KIRREL2: variants seen among roughly 807,000 people sequenced by gnomAD.
KIRREL2 encodes the protein kirre like nephrin family adhesion molecule 2, also known as kin of IRRE-like protein 2.
KIRREL2 carries 56 observed loss-of-function variants against 73.4 expected under a neutral mutation model. The observed-to-expected ratio is 0.76, with a 90% CI of 0.62 to 0.95. The LOEUF (loss-of-function observed/expected upper bound fraction) is 0.95, where lower values mean the gene tolerates loss of function less well. KIRREL2 is among the 40% of genes least tolerant of loss of function. The probability of loss-of-function intolerance (pLI) is 0.00; values close to 1 mark genes in which losing one functional copy is unlikely to be tolerated. For missense variants in KIRREL2, 896 were observed against 935.0 expected, an observed-to-expected ratio of 0.96 and a Z score of 0.54; for synonymous variants, 407 against 404.0, an observed-to-expected ratio of 1.01 and a Z score of -0.09.
chr19:35,856,876 G>C (rs995188355), upstream of KIRREL2: 2 of 570,738 alleles, frequency 3.5e-6, no homozygotes, highest in Non-Finnish European at 6.3e-6. This position sits in a 1 kb window ranked among gnomAD's most constrained non-coding sequence, Gnocchi z 5.9. Flanking sequence ...GGACCCGGGC[G>C]GGGCGAGCGG....
chr19:35,865,111 G>A (rs1181989945), intron 14 of KIRREL2, among the ~76,000 whole-genome samples: 1 of 150,642 alleles, frequency 6.6e-6, no homozygotes, highest in East Asian at 2.0e-4. Flanking sequence ...GCCATCCCCA[G>A]GCCAGAGCAC....
chr19:35,864,176 TTTGTTGTTGTTG>T (rs113984862), intron 13 of KIRREL2, among the ~76,000 whole-genome samples: 4 of 148,582 alleles, frequency 2.7e-5, no homozygotes, highest in Non-Finnish European at 5.9e-5. Context: ...ACAGCCCGTT[TTTGTTGTTGTTG>T]TTGTTGTTGT....
In KIRREL2 at chr19:35,862,957, T is replaced by G. The variant is rs772030881; in HGVS notation, c.1646T>G (p.Leu549Arg). The G allele has an allele frequency of 6.3e-7, 1 of 1,583,624 alleles. No individual in the cohort carries two copies. Among genetic ancestry groups the G allele is most frequent in the African/African-American group, 1.3e-5 (1 of 74,646 alleles). ...ASASFSEQKN[L>R]MRIPGSSDGS... The stretch of plus-strand genomic sequence containing the variant: ...GCCTCTTTCTCCGAGCAAAAGAACC[T>G]GATGCGAATCCCTGGCAGCAGCGAC... The change falls in exon 13 of 15, where the codon CTG becomes CGG. Residue 549 changes from leucine (L) to arginine (R), a missense_variant. Physicochemically the swap from Leu to Arg is moderately radical, Grantham distance 102 (BLOSUM62 -2). Coordinates refer to ENST00000360202, the MANE Select transcript of KIRREL2 (RefSeq NM_199180.4).
Position 35,866,693 on chromosome 19 carries a change from A to G in KIRREL2, c.*201A>G, listed in dbSNP as rs111513025. ...TGCCCCAAGTGGGAGCAACATGGCC[A>G]CCCAATATGCCCACCTATTCCCCGG... On this transcript the variant is annotated 3_prime_UTR_variant, in exon 15 of 15. Transcript: ENST00000360202. The G allele has an allele frequency of 5.1e-3, 3,407 of 668,124 alleles. 87 individuals are homozygous for G. The African/African-American group carries it at 0.055, about 11-fold the overall frequency. The allele number at this position is 668,124 out of a possible 1,614,324, so 41.4% of individuals were successfully genotyped here.
chr19:35,861,205 G>C lies in KIRREL2; in HGVS notation c.1140G>C (p.Gly380=). 6.5e-7 allele frequency: 1 copy of C among 1,549,962 alleles called. No individual in the cohort carries two copies. The highest frequency in any genetic ancestry group is 8.7e-7 in the Non-Finnish European group (1 of 1,155,506). ...AGDYVCRAEA[G]LSGLRGGAAE... is the part of the protein sequence containing the mutation. The stretch of plus-strand genomic sequence containing the variant: ...ACTATGTGTGCAGAGCTGAGGCTGG[G>C]CTATCGGGCCTGCGGGGCGGCGCCG... The change falls in exon 9 of 15, where the codon GGG becomes GGC. Residue 380 remains glycine, a synonymous_variant. Coordinates refer to ENST00000360202, the MANE Select transcript of KIRREL2 (RefSeq NM_199180.4).
Position 35,857,417 on chromosome 19 carries a change from G to A in KIRREL2, c.134G>A (p.Cys45Tyr). 1 of 1,613,132 alleles carries A rather than the reference G, an allele frequency of 6.2e-7. No individual in the cohort carries two copies. ...CTGGGGGAGGAAGCCCGGCTGCCGT[G>A]TGCTCTGGGCGCCTACTGGGGGCTA... ...VLLGEEARLP[C>Y]ALGAYWGLVQ... The change falls in exon 2 of 15, where the codon TGT becomes TAT. Residue 45 changes from cysteine to tyrosine, a missense_variant. Coordinates refer to ENST00000360202, the MANE Select transcript of KIRREL2 (RefSeq NM_199180.4).
chr19:35,855,415 C>T (rs1229657822), upstream of KIRREL2, among the ~76,000 whole-genome samples: 1 of 151,870 alleles, frequency 6.6e-6, no homozygotes, highest in Non-Finnish European at 1.5e-5. Flanking sequence ...GGGGAAGCGG[C>T]GTCAAGTGCC....
chr19:35,865,457 C>A (rs892320303), intron 14 of KIRREL2, among the ~76,000 whole-genome samples: 1 of 152,174 alleles, frequency 6.6e-6, no homozygotes, highest in Non-Finnish European at 1.5e-5. Flanking sequence ...AGCCGACATG[C>A]CATTCTCTTG....
Position 35,861,594 on chromosome 19 carries a change from G to T in KIRREL2, c.1243G>T (p.Ala415Ser), listed in dbSNP as rs1241518748. ...HSAPAFLRGP[A>S]RLQCLVFASP... ...TGCGCCTGCCTTCCTGAGGGGCCCT[G>T]CTCGCCTCCAGTGTCTGGTTTTCGC... is the stretch of plus-strand genomic sequence containing the variant. The change falls in exon 10 of 15, where the codon GCT (alanine) becomes TCT (serine). Residue 415 changes from alanine to serine, a missense_variant. Coordinates refer to ENST00000360202, the MANE Select transcript of KIRREL2 (RefSeq NM_199180.4). 1.9e-6 allele frequency: 3 copies of T among 1,613,552 alleles called. No homozygotes were observed. Among genetic ancestry groups the T allele is most frequent in the African/African-American group, 2.7e-5 (2 of 74,856 alleles).
In KIRREL2 at chr19:35,857,033, G is replaced by A; in HGVS notation, c.-87G>A. 7.1e-7 allele frequency: 1 copy of A among 1,402,560 alleles called. No individual in the cohort carries two copies. Among genetic ancestry groups the A allele is most frequent in the South Asian group, 1.2e-5 (1 of 86,538 alleles). The allele number at this position is 1,402,560 out of a possible 1,614,324, so 86.9% of individuals were successfully genotyped here. A position where few individuals can be genotyped will look rare whatever the true frequency, so the allele number is the denominator to read the frequency against. ...AGAGTCGAGCGTGAAGGGGGCTCCG[G>A]GCCAGGGTGACAGGAGGCGTGCTTG... is the stretch of plus-strand genomic sequence containing the variant. On this transcript the variant is annotated 5_prime_UTR_variant, in exon 1 of 15. Coordinates refer to ENST00000360202, the MANE Select transcript of KIRREL2 (RefSeq NM_199180.4).
At chr19:35,863,834 C>A (rs916190525) in intron 13 of KIRREL2, among the ~76,000 whole-genome samples, 5 of 150,288 alleles carry the variant, frequency 3.3e-5, no homozygotes, top group Non-Finnish European at 7.4e-5. Flanking sequence ...AGTGCAGTGG[C>A]GCGAACTCGA....
chr19:35,859,613 A>C lies in KIRREL2; in HGVS notation c.655A>C (p.Ile219Leu). ...QALPTGRDTA[I>L]TLSLQYPPEV... ...CCTGCCCACAGGAAGAGACACAGCT[A>C]TCACACTGAGCCTGCAGTGTGAGTG... The change falls in exon 5 of 15, where the codon ATC (isoleucine) becomes CTC (leucine). Residue 219 changes from isoleucine to leucine, a missense_variant. Coordinates refer to ENST00000360202, the MANE Select transcript of KIRREL2 (RefSeq NM_199180.4). The C allele has an allele frequency of 6.2e-7, 1 of 1,613,960 alleles. No individual in the cohort carries two copies. Among genetic ancestry groups the C allele is most frequent in the Non-Finnish European group, 8.5e-7 (1 of 1,180,014 alleles).
Position 35,860,281 on chromosome 19 carries a change from T to C in KIRREL2, c.674-16T>C. ...TCCTGGTCCTTGCCCATCTGACCATTGTCCCACCCTCACAGACCCCCCAGA... is the reference window on the plus strand; with the variant it reads ...TCCTGGTCCTTGCCCATCTGACCATCGTCCCACCCTCACAGACCCCCCAGA... On this transcript the variant is annotated splice_polypyrimidine_tract_variant and intron_variant, in intron 5 of 14. Transcript: ENST00000360202. 2.5e-6 allele frequency: 4 copies of C among 1,609,716 alleles called. No individual in the cohort carries two copies. Among genetic ancestry groups the C allele is most frequent in the Non-Finnish European group, 3.4e-6 (4 of 1,176,842 alleles).
intron 14 of KIRREL2, 22 bp downstream of exon 14, chr19:35,864,735 G>A (rs1226052353): frequency 3.2e-6 from 5 of 1,575,178 alleles, no homozygotes; most frequent in East Asian, 2.2e-5. Flanking sequence ...GAGGGGTGGG[G>A]CTCCCTTCAC....
chr19:35,856,511 G>A (rs1482914402), upstream of KIRREL2: 1 of 160,368 alleles, frequency 6.2e-6, no homozygotes, highest in African/African-American at 2.4e-5. This position sits in a 1 kb window ranked among gnomAD's most constrained non-coding sequence, Gnocchi z 5.9. Context: ...CAGGCCCGGG[G>A]GAGCCCCGGA....
chr19:35,858,968 G>T, intron 4 of KIRREL2, 104 bp downstream of exon 4: 8 of 1,288,278 alleles, frequency 6.2e-6, no homozygotes, highest in Non-Finnish European at 8.8e-6. Flanking sequence ...GGAGGGCAGA[G>T]GTTCATGGGT....
chr19:35,858,419 T>A lies in KIRREL2; in HGVS notation c.223T>A (p.Tyr75Asn). Residue 75 changes from tyrosine to asparagine, a missense_variant, in exon 3 of 15, where the codon TAC (tyrosine) becomes AAC (asparagine). Transcript: ENST00000360202. The stretch of plus-strand genomic sequence containing the variant: ...CTCCCTGACTCCAGGGTGGTCCCGG[T>A]ACTGGATATCAGGGAATGCAGCCAA... Reference protein sequence around the residue: ...GQRDLPGWSRYWISGNAANGQ... With the variant: ...GQRDLPGWSRNWISGNAANGQ... The A allele has an allele frequency of 6.2e-7, 1 of 1,614,010 alleles. No homozygotes were observed.
In KIRREL2 at chr19:35,859,488, T is replaced by G. The variant is rs759330678; in HGVS notation, c.530T>G (p.Leu177Arg). Residue 177 changes from leucine (L) to arginine (R), a missense_variant, in exon 5 of 15, where the codon CTG becomes CGG. Physicochemically the swap from Leu to Arg is moderately radical, Grantham distance 102. Coordinates refer to ENST00000360202, the MANE Select transcript of KIRREL2 (RefSeq NM_199180.4). Reference sequence around the variant, plus strand: ...TCTTATCCTTCCCTCCAGACCCTGCTGAAGGAAGGGACCCCTGGGTCAGTG... The same window carrying G: ...TCTTATCCTTCCCTCCAGACCCTGCGGAAGGAAGGGACCCCTGGGTCAGTG... ...LDGATFHQTL[L>R]KEGTPGSVES... 1.9e-6 allele frequency: 3 copies of G among 1,613,868 alleles called. No homozygotes were observed. The African/African-American group carries it at 4.0e-5, about 22-fold the overall frequency.
intron 13 of KIRREL2, 76 bp from the exon 14 acceptor site, chr19:35,864,571 GC>G: frequency 8.2e-7 from 1 of 1,226,884 alleles, no homozygotes; most frequent in Non-Finnish European, 1.2e-6. Context: ...CCACTGGCTG[GC>G]TGAAGGTCCT....
Sources: gnomAD v4.1 joint callset for allele counts (sites outside exome capture counted in the v4.1 genomes callset) on GRCh38, gnomAD v4.1.1 for gene constraint, Gnocchi (gnomAD v3.1) non-coding constraint, MANE v1.5 for transcripts, NCBI Gene and HGNC (gene_info 2026-07-23, HGNC 2026-07-21) for gene names.